Variants in RGPD3 observed in about 807,000 individuals in gnomAD.
RGPD3 encodes the protein ranBP2-like and GRIP domain-containing protein 3.
In RGPD3, 62 loss-of-function variants were observed where a neutral mutation model predicts 154.5. The observed-to-expected ratio is 0.40, with a 90% confidence interval of 0.33 to 0.50. RGPD3 has a LOEUF of 0.50. RGPD3 is among the 20% of genes least tolerant of loss of function. RGPD3 has a pLI of 0.59. For synonymous variants in RGPD3, 308 were observed against 607.0 expected, an observed-to-expected ratio of 0.51 and a Z score of 7.24; for missense variants, 919 against 1,716.8, an observed-to-expected ratio of 0.54 and a Z score of 8.21.
chr2:106,404,930 T>A lies in RGPD3; in HGVS notation c.*289A>T. The A allele has an allele frequency of 2.0e-6, 1 of 499,242 alleles. No homozygotes were observed. Among genetic ancestry groups the A allele is most frequent in the East Asian group, 3.6e-5 (1 of 28,072 alleles). 30.9% of individuals were successfully genotyped at this position (499,242 alleles called of 1,614,324 possible). On this transcript the variant is annotated 3_prime_UTR_variant, in exon 23 of 23. Transcript: ENST00000409886. ...TCCTGGTGGTTTTATTCTGGCAGCA[T>A]GCATGGGAGATCACATGAGTTAGAG...
At chr2:106,467,513 AGGCCGCCGCTGGGCCGGGTTG>A (rs1678661192) in intron 1 of RGPD3, among the ~76,000 whole-genome samples, 1 of 59,376 alleles carries the variant, frequency 1.7e-5, no homozygotes, top group African/African-American at 7.4e-5. Flanking sequence ...TGAGCCATCG[AGGCCGCCGCTGGGCCGGGTTG>A]AGGCCGCCGC....
chr2:106,467,769 C>T (rs371692106), intron 1 of RGPD3, among the ~76,000 whole-genome samples: 135 of 118,424 alleles, frequency 1.1e-3, no homozygotes, highest in Middle Eastern at 7.0e-3. Context: ...GGAGCCATGA[C>T]GCCTGAGCCA....
At position 106,405,370 on chromosome 2, in the gene RGPD3, G is replaced by A. The variant is rs979187165; in HGVS notation, c.5267-141C>T. 5 of 975,150 alleles carry A rather than the reference G, an allele frequency of 5.1e-6. No individual in the cohort carries two copies. The African/African-American group carries it at 5.2e-5, about 10-fold the overall frequency. The allele number at this position is 975,150 out of a possible 1,614,324, so 60.4% of individuals were successfully genotyped here. ...ACATGCCTTTTTTGTTGGGTGGGGG[G>A]GGTTCTTTTTTTTTTTTTTTTTTGA... On this transcript the variant is annotated intron_variant, in intron 22 of 22. Transcript: ENST00000409886.
chr2:106,464,961 C>T (rs1193023955), intron 1 of RGPD3, among the ~76,000 whole-genome samples: 1 of 148,432 alleles, frequency 6.7e-6, no homozygotes, highest in Non-Finnish European at 1.5e-5. Context: ...CCAGAGTGCT[C>T]AGATTACAGA....
chr2:106,448,595 C>T (rs1414235409), intron 6 of RGPD3, among the ~76,000 whole-genome samples: 1 of 150,440 alleles, frequency 6.6e-6, no homozygotes, highest in Non-Finnish European at 1.5e-5. Context: ...CTCAAAAACC[C>T]CTTCAGGGGA....
intron 1 of RGPD3, among the ~76,000 whole-genome samples, chr2:106,466,354 CGAGG>C: frequency 6.7e-6 from 1 of 150,226 alleles, no homozygotes; most frequent in Admixed American, 6.6e-5. Flanking sequence ...CCTGAGCCAT[CGAGG>C]CCGCCGCCGG....
In RGPD3 at chr2:106,459,409, G is replaced by C. The variant is rs570293017; in HGVS notation, c.73-77C>G. 769 of 651,360 alleles carry C rather than the reference G, an allele frequency of 1.2e-3. 4 individuals carry two copies. In the African/African-American group the frequency reaches 0.012, roughly 11 times the overall value. 40.3% of individuals were successfully genotyped at this position (651,360 alleles called of 1,614,324 possible). A position where few individuals can be genotyped will look rare whatever the true frequency, so the allele number is the denominator to read the frequency against. On this transcript the variant is annotated intron_variant, in intron 1 of 22. Coordinates refer to ENST00000409886, the MANE Select transcript of RGPD3 (RefSeq NM_001144013.2). ...ATTTTTTCAAAAGTAGTAAAAATCT[G>C]CCCTAAGTTTATGTTCAAATATGCC...
intron 20 of RGPD3, among the ~76,000 whole-genome samples, chr2:106,417,700 G>T (rs189743569): frequency 1.3e-5 from 2 of 151,004 alleles, no homozygotes; most frequent in Non-Finnish European, 2.9e-5. Flanking sequence ...GGTTAAGTAT[G>T]AGATTGTTCA....
At chr2:106,466,366 C>G (rs1193080714) in intron 1 of RGPD3, among the ~76,000 whole-genome samples, 8 of 135,108 alleles carry the variant, frequency 5.9e-5, no homozygotes, top group South Asian at 2.4e-4. Context: ...AGGCCGCCGC[C>G]GGGCCGGGTC....
intron 1 of RGPD3, among the ~76,000 whole-genome samples, chr2:106,464,340 C>CA (rs55851806): frequency 0.024 from 2,536 of 107,248 alleles, 37 homozygotes; most frequent in Non-Finnish European, 0.034. Flanking sequence ...GACTCCATCT[C>CA]AAAAAAAAAA....
At chr2:106,470,863 T>G (rs1678796136), upstream of RGPD3, 3 of 1,600,846 alleles carry the variant, frequency 1.9e-6, no homozygotes, top group Non-Finnish European at 2.6e-6. Flanking sequence ...TCTAGTGGAG[T>G]ACTGGGCCGA....
At chr2:106,420,857 C>T (rs1676962434) in intron 20 of RGPD3, among the ~76,000 whole-genome samples, 1 of 152,250 alleles carries the variant, frequency 6.6e-6, no homozygotes, top group Non-Finnish European at 1.5e-5. Context: ...TTCACTGAAG[C>T]CTGGAACTTG....
At chr2:106,430,013 A>C (rs1677320831) in intron 17 of RGPD3, among the ~76,000 whole-genome samples, 1 of 151,988 alleles carries the variant, frequency 6.6e-6, no homozygotes, top group South Asian at 2.1e-4. Flanking sequence ...CCTCCCAACT[A>C]GCTGGGATTA....
chr2:106,409,002 T>A (rs959161654), intron 22 of RGPD3, among the ~76,000 whole-genome samples: 40 of 151,956 alleles, frequency 2.6e-4, no homozygotes, highest in Middle Eastern at 6.8e-3. Flanking sequence ...CTTTTGATTT[T>A]AAAAAAATAT....
chr2:106,465,285 T>G (rs927254919), intron 1 of RGPD3, among the ~76,000 whole-genome samples: 1 of 152,280 alleles, frequency 6.6e-6, no homozygotes, highest in South Asian at 2.1e-4. Context: ...ACAGAATAGC[T>G]TCACATGTTC....
chr2:106,461,232 C>A, intron 1 of RGPD3, among the ~76,000 whole-genome samples: 1 of 130,830 alleles, frequency 7.6e-6, no homozygotes, highest in African/African-American at 2.9e-5. Context: ...GTCAAAAACT[C>A]ACCTCTTCAC....
intron 1 of RGPD3, among the ~76,000 whole-genome samples, chr2:106,463,375 TG>T (rs1350517101): frequency 6.6e-6 from 1 of 152,260 alleles, no homozygotes; most frequent in African/African-American, 2.4e-5. Context: ...CTCAGGAGGC[TG>T]AGGCAGGAGA....
chr2:106,428,630 C>T (rs1222814452), intron 18 of RGPD3, among the ~76,000 whole-genome samples: 2 of 151,842 alleles, frequency 1.3e-5, no homozygotes, highest in African/African-American at 2.4e-5. Flanking sequence ...TGAACCATCA[C>T]ACAAATGTGC....
chr2:106,437,476 C>T (rs1386461326), intron 9 of RGPD3, among the ~76,000 whole-genome samples: 34 of 151,904 alleles, frequency 2.2e-4, no homozygotes, highest in African/African-American at 5.3e-4. Context: ...TGCGCCACTG[C>T]GCTCCAGCCT....
Sources: allele counts gnomAD v4.1 joint callset (sites outside exome capture counted in the v4.1 genomes callset), GRCh38; gene constraint gnomAD v4.1.1; transcripts MANE v1.5; gene names NCBI Gene and HGNC (gene_info 2026-07-23, HGNC 2026-07-21).